The following CADM1 variants were observed in gnomAD, a reference collection of about 807,000 sequenced individuals.
The protein encoded by CADM1 is cell adhesion molecule 1.
CADM1 carries 15 observed loss-of-function variants against 53.1 expected under a neutral mutation model. The observed-to-expected ratio is 0.28, with a 90% confidence interval of 0.19 to 0.44. The LOEUF is 0.44. Ranked by LOEUF, CADM1 falls within the 20% of genes least tolerant of loss-of-function variation. CADM1 has a pLI of 1.00. For synonymous variants in CADM1, 281 were observed against 243.0 expected, an observed-to-expected ratio of 1.16 and a Z score of -1.45; for missense variants, 434 against 611.3, an observed-to-expected ratio of 0.71 and a Z score of 3.06.
At chr11:115,260,722 G>A (rs753119186) in intron 1 of CADM1, among the ~76,000 whole-genome samples, 2 of 151,824 alleles carry the variant, frequency 1.3e-5, no homozygotes, top group Middle Eastern at 3.2e-3. Flanking sequence ...GCCCAGGCTG[G>A]AGTGCAGTGG....
At chr11:115,294,395 T>G (rs1943991635) in intron 1 of CADM1, among the ~76,000 whole-genome samples, 1 of 152,174 alleles carries the variant, frequency 6.6e-6, no homozygotes, top group Admixed American at 6.5e-5. Context: ...GAAACTACTC[T>G]CTTGAAACAA....
intron 1 of CADM1, among the ~76,000 whole-genome samples, chr11:115,416,276 G>A (rs2135258816): frequency 6.6e-6 from 1 of 152,210 alleles, no homozygotes; most frequent in East Asian, 1.9e-4. Context: ...GAGTATCTTT[G>A]GCCAATTGTC....
At chr11:115,268,165 C>T (rs574355431) in intron 1 of CADM1, among the ~76,000 whole-genome samples, 169 of 152,246 alleles carry the variant, frequency 1.1e-3, no homozygotes, top group African/African-American at 3.7e-3. Flanking sequence ...ATATTTGTGA[C>T]GCAGCTGGCT....
chr11:115,183,324 C>A (rs965647991), intron 10 of CADM1, among the ~76,000 whole-genome samples: 1 of 152,258 alleles, frequency 6.6e-6, no homozygotes, highest in Non-Finnish European at 1.5e-5. Context: ...ATCCTGGTTT[C>A]TATGGCTACT....
At chr11:115,238,716 T>C (rs1942100895) in intron 2 of CADM1, 64 bp from the exon 3 acceptor site, 1 of 1,529,092 alleles carries the variant, frequency 6.5e-7, no homozygotes, top group African/African-American at 1.4e-5. Flanking sequence ...TTTTCCTTAA[T>C]TATTTATTAC....
intron 1 of CADM1, among the ~76,000 whole-genome samples, chr11:115,374,266 T>C (rs1364426110): frequency 6.6e-6 from 1 of 152,184 alleles, no homozygotes; most frequent in Non-Finnish European, 1.5e-5. Context: ...CAGGATAATT[T>C]GAGCATCAGT....
At chr11:115,294,272 A>G (rs1943987943) in intron 1 of CADM1, among the ~76,000 whole-genome samples, 1 of 152,138 alleles carries the variant, frequency 6.6e-6, no homozygotes, top group East Asian at 1.9e-4. Flanking sequence ...TGCTAGCACC[A>G]CTGAGAAACA....
At position 115,367,577 on chromosome 11, in the gene CADM1, G is replaced by A. The variant is rs1946196700; in HGVS notation, c.125-127157C>T. ...ACGAGAACACGAATCCCACTGCCCA[G>A]TCAACCACTGTTAGCATTTTGTTGC... On this transcript the variant is annotated intron_variant, in intron 1 of 11. Transcript: ENST00000331581. Among the ~76,000 whole-genome samples the A allele has an allele frequency of 2.0e-5, 3 of 152,014 alleles. No homozygotes were observed. In the South Asian group the frequency reaches 6.2e-4, roughly 31 times the overall value.
At chr11:115,489,791 C>G (rs1332658789) in intron 1 of CADM1, among the ~76,000 whole-genome samples, 1 of 152,166 alleles carries the variant, frequency 6.6e-6, no homozygotes, top group African/African-American at 2.4e-5. Context: ...AGATACCTAA[C>G]CAGCCTGAGT....
chr11:115,261,049 T>A lies in CADM1; in HGVS notation c.125-20629A>T, dbSNP rs146618762. On this transcript the variant is annotated intron_variant, in intron 1 of 11. Coordinates refer to ENST00000331581, the MANE Select transcript of CADM1 (RefSeq NM_001301043.2). ...TTGCAATGTAGAGTCTACCCACTTG[T>A]TACATAGGCCAAGTGCTTCTCAATG... Among the ~76,000 whole-genome samples the A allele has an allele frequency of 2.1e-3, 326 of 152,286 alleles. 1 individual carries two copies. The highest frequency in any genetic ancestry group is 7.2e-3 in the African/African-American group (300 of 41,556).
intron 1 of CADM1, among the ~76,000 whole-genome samples, chr11:115,443,134 G>T (rs1487214845): frequency 1.3e-5 from 2 of 152,036 alleles, no homozygotes; most frequent in African/African-American, 4.8e-5. Flanking sequence ...TCTTGGGCTG[G>T]GAGCCAAAGG....
At chr11:115,281,071 T>A (rs1419720097) in intron 1 of CADM1, among the ~76,000 whole-genome samples, 1 of 152,212 alleles carries the variant, frequency 6.6e-6, no homozygotes, top group Non-Finnish European at 1.5e-5. Flanking sequence ...GAACTCCCGG[T>A]AGATTGGGAA....
At chr11:115,240,697 T>C in intron 1 of CADM1, 1 of 448,942 alleles carries the variant, frequency 2.2e-6, no homozygotes, top group Non-Finnish European at 4.1e-6. Context: ...TTGAGTAGTA[T>C]ATTGAGGAGG....
intron 2 of CADM1, among the ~76,000 whole-genome samples, chr11:115,239,693 C>T (rs2134907732): frequency 6.6e-6 from 1 of 150,942 alleles, no homozygotes; most frequent in African/African-American, 2.4e-5. Context: ...GGCACCGATG[C>T]TCTCCAATAA....
At chr11:115,345,437 T>C (rs1054817252) in intron 1 of CADM1, among the ~76,000 whole-genome samples, 3 of 152,052 alleles carry the variant, frequency 2.0e-5, no homozygotes, top group African/African-American at 4.8e-5. Flanking sequence ...TTGGATGGGG[T>C]TGAAAGCTGA....
At chr11:115,490,552 C>T (rs1182390733) in intron 1 of CADM1, among the ~76,000 whole-genome samples, 1 of 152,016 alleles carries the variant, frequency 6.6e-6, no homozygotes, top group African/African-American at 2.4e-5. Flanking sequence ...GCGCCTACCA[C>T]CACGCCCGGC....
At chr11:115,504,199 C>T in intron 1 of CADM1, 72 bp downstream of exon 1, 1 of 1,548,808 alleles carries the variant, frequency 6.5e-7, no homozygotes, top group Non-Finnish European at 8.7e-7. Flanking sequence ...GAAACGTTTC[C>T]CCCCTCTGTG....
chr11:115,406,630 T>C lies in CADM1; in HGVS notation c.124+97641A>G, dbSNP rs184839073. 1.9e-4 allele frequency among the ~76,000 whole-genome samples: 29 copies of C among 149,352 alleles called. No individual in the cohort carries two copies. In the East Asian group the frequency reaches 5.2e-3, roughly 27 times the overall value. Reference sequence around the variant, plus strand: ...TATAAAGAATAAATATTAGGTTATATATTACTAAGCAATTTGTATGTTAAG... The same window carrying C: ...TATAAAGAATAAATATTAGGTTATACATTACTAAGCAATTTGTATGTTAAG... On this transcript the variant is annotated intron_variant, in intron 1 of 11. Coordinates refer to ENST00000331581, the MANE Select transcript of CADM1 (RefSeq NM_001301043.2).
At chr11:115,186,488 C>A (rs1275511341) in intron 10 of CADM1, among the ~76,000 whole-genome samples, 1 of 152,176 alleles carries the variant, frequency 6.6e-6, no homozygotes, top group Non-Finnish European at 1.5e-5. Context: ...GGCTCCAGCA[C>A]ACAGGAAGCT....
Sources: allele counts gnomAD v4.1 joint callset (sites outside exome capture counted in the v4.1 genomes callset), GRCh38; gene constraint gnomAD v4.1.1; transcripts MANE v1.5; gene names NCBI Gene and HGNC (gene_info 2026-07-23, HGNC 2026-07-21).